ERI1: variants seen among roughly 807,000 people sequenced by gnomAD.
The protein encoded by ERI1 is 3'-5' exoribonuclease 1.
A neutral mutation model predicts 39.7 loss-of-function variants in ERI1; 39 were observed. The ratio of observed to expected loss-of-function variants is 0.98; its 90% CI spans 0.76 to 1.28. The LOEUF (loss-of-function observed/expected upper bound fraction) is 1.28, where lower values mean the gene tolerates loss of function less well. Among genes scored for constraint, ERI1 ranks in the 50% most tolerant of loss-of-function variants. The pLI is 0.00. For synonymous variants in ERI1, 204 were observed against 149.6 expected (o/e 1.36, Z -2.65); for missense variants, 581 against 416.9 (o/e 1.39, Z -3.43).
At chr8:9,025,497 G>A (rs915965887) in intron 6 of ERI1, among the ~76,000 whole-genome samples, 1 of 152,168 alleles carries the variant, frequency 6.6e-6, no homozygotes, top group Non-Finnish European at 1.5e-5. Context: ...TGGCCTTTTT[G>A]TTTTCCTCTT....
At chr8:9,066,175 C>G (rs369862638) in intron 3 of ERI1, among the ~76,000 whole-genome samples, 1 of 152,212 alleles carries the variant, frequency 6.6e-6, no homozygotes, top group Non-Finnish European at 1.5e-5. Flanking sequence ...TTCCTCCCCA[C>G]CTTCTTCCTC....
chr8:9,099,637 C>G (rs991716303), intron 3 of ERI1, among the ~76,000 whole-genome samples: 2 of 151,312 alleles, frequency 1.3e-5, no homozygotes, highest in African/African-American at 4.9e-5. Flanking sequence ...AAACCCCAAC[C>G]AAATAAATAA....
At chr8:9,021,133 T>C (rs148170699) in intron 6 of ERI1, among the ~76,000 whole-genome samples, 4 of 152,148 alleles carry the variant, frequency 2.6e-5, no homozygotes, top group Admixed American at 2.6e-4. Context: ...GTGTTCATAC[T>C]CCCGTGACTA....
chr8:9,081,994 C>T (rs1006204608), intron 3 of ERI1, among the ~76,000 whole-genome samples: 6 of 152,174 alleles, frequency 3.9e-5, no homozygotes, highest in African/African-American at 1.4e-4. Context: ...CATCTTAGTC[C>T]ATCTGGACCC....
Position 9,029,791 on chromosome 8 carries a change from G to C in ERI1, c.808-1G>C, listed in dbSNP as rs751623903. The C allele has an allele frequency of 1.9e-6, 3 of 1,613,984 alleles. No individual in the cohort carries two copies. Among genetic ancestry groups the C allele is most frequent in the Non-Finnish European group, 2.5e-6 (3 of 1,179,962 alleles). On this transcript the variant is annotated splice_acceptor_variant, in intron 6 of 6. Coordinates refer to ENST00000250263, the MANE Select transcript of ERI1 (RefSeq NM_153332.4). LOFTEE classifies it high-confidence loss of function. ...TATTTACTAAGCTGTTTATTTTTCA[G>C]GTTCCTAGAAGCCAAACCAAACTGA...
intron 2 of ERI1, 100 bp downstream of exon 2, chr8:9,008,248 TAATGACATGA>T: frequency 9.6e-7 from 1 of 1,045,272 alleles, no homozygotes. Context: ...AATCCTACCG[TAATGACATGA>T]TCCTATTAAC....
chr8:9,039,959 G>C (rs1374815377), intron 3 of ERI1, among the ~76,000 whole-genome samples: 1 of 152,036 alleles, frequency 6.6e-6, no homozygotes, highest in African/African-American at 2.4e-5. Flanking sequence ...AATTCTGATA[G>C]TCCTGAAAAT....
At chr8:9,044,073 C>T in intron 3 of ERI1, among the ~76,000 whole-genome samples, 1 of 152,088 alleles carries the variant, frequency 6.6e-6, no homozygotes, top group East Asian at 1.9e-4. Context: ...TATGAGCTCC[C>T]AATTTTCCTT....
chr8:9,012,531 CTT>C (rs1448342659), intron 3 of ERI1, among the ~76,000 whole-genome samples: 3 of 152,180 alleles, frequency 2.0e-5, no homozygotes, highest in East Asian at 1.9e-4. Context: ...TTCAAAATCT[CTT>C]TTAGTTATAG....
rs138666881 is a variant in ERI1 at position 9,081,391 on chromosome 8, G to T, written n.300-34957G>T. 4.3e-4 allele frequency among the ~76,000 whole-genome samples: 66 copies of T among 152,334 alleles called. No individual in the cohort carries two copies. The East Asian group carries it at 8.5e-3, about 20-fold the overall frequency. On this transcript the variant is annotated intron_variant and non_coding_transcript_variant, in intron 3 of 3. Transcript: ENST00000518663. The stretch of plus-strand genomic sequence containing the variant: ...CATTAATAATTGTTGAAGCTGCCAA[G>T]GGTGCATTGAGGTTCTTTATACTAG...
intron 3 of ERI1, among the ~76,000 whole-genome samples, chr8:9,096,446 GA>G (rs1799879294): frequency 6.6e-6 from 1 of 152,110 alleles, no homozygotes; most frequent in Non-Finnish European, 1.5e-5. Flanking sequence ...AAGTACCCCA[GA>G]AGCAATGCTT....
chr8:9,091,194 C>T (rs959395299), intron 3 of ERI1: 1 of 152,146 alleles, frequency 6.6e-6, no homozygotes, highest in African/African-American at 2.4e-5. Context: ...ACTTAATCAC[C>T]ACATGCAAGA....
At position 9,013,931 on chromosome 8, in the gene ERI1, T is replaced by C. The variant is rs1210790304; in HGVS notation, c.498+2179T>C. 2.0e-5 allele frequency among the ~76,000 whole-genome samples: 3 copies of C among 152,224 alleles called. No homozygotes were observed. In the East Asian group the frequency reaches 5.8e-4, roughly 29 times the overall value. The stretch of plus-strand genomic sequence containing the variant: ...CTTCATTCTGATCCTCTATCATTTA[T>C]GTGACTTACTGCATTCGCCACCTAA... On this transcript the variant is annotated intron_variant, in intron 3 of 6. Transcript: ENST00000250263.
intron 1 of ERI1, chr8:9,004,247 C>G (rs919209480): frequency 2.5e-6 from 3 of 1,211,954 alleles, no homozygotes; most frequent in South Asian, 2.9e-5. Flanking sequence ...AAGAACCACT[C>G]TTCCACCTGC....
At chr8:9,033,980 C>T (rs1177001575), downstream of ERI1, among the ~76,000 whole-genome samples, 1 of 152,196 alleles carries the variant, frequency 6.6e-6, no homozygotes, top group Non-Finnish European at 1.5e-5. Flanking sequence ...TCTAATGTGA[C>T]CAGCTGTAAG....
At position 9,078,178 on chromosome 8, in the gene ERI1, C is replaced by A. The variant is rs547628392; in HGVS notation, n.300-38170C>A. ...CTAATTTTTGTATTTTTAGTAGAGA[C>A]AAGGTTTCACCATGTTGGTCAGGCT... On this transcript the variant is annotated intron_variant and non_coding_transcript_variant, in intron 3 of 3. Coordinates refer to the ERI1 transcript ENST00000518663. Among the ~76,000 whole-genome samples, 34 of 152,136 alleles carry A rather than the reference C, an allele frequency of 2.2e-4. No individual in the cohort carries two copies. In the South Asian group the frequency reaches 7.1e-3, roughly 32 times the overall value.
chr8:9,038,958 T>C (rs2117339916), intron 3 of ERI1, among the ~76,000 whole-genome samples: 1 of 152,352 alleles, frequency 6.6e-6, no homozygotes, highest in Admixed American at 6.5e-5. Context: ...AAAATCACAT[T>C]GTGATCTGTG....
At chr8:9,033,835 T>C (rs1202695494), downstream of ERI1, among the ~76,000 whole-genome samples, 1 of 149,202 alleles carries the variant, frequency 6.7e-6, no homozygotes, top group Admixed American at 6.6e-5. Flanking sequence ...AACAGGTAGG[T>C]TGTCCTAGGT....
chr8:9,037,065 C>T (rs909453842), downstream of ERI1, among the ~76,000 whole-genome samples: 74 of 152,322 alleles, frequency 4.9e-4, no homozygotes, highest in African/African-American at 1.6e-3. Context: ...AGACTTCTCT[C>T]TTGCTGTCTC....
Sources: gnomAD v4.1 joint callset for allele counts (sites outside exome capture counted in the v4.1 genomes callset) on GRCh38, gnomAD v4.1.1 for gene constraint, MANE v1.5 for transcripts, NCBI Gene and HGNC (gene_info 2026-07-23, HGNC 2026-07-21) for gene names.